SF3A1: variants seen among roughly 807,000 people sequenced by gnomAD.
SF3A1 encodes splicing factor 3a subunit 1.
SF3A1 carries 13 observed loss-of-function variants against 89.9 expected under a neutral mutation model. The ratio of observed to expected loss-of-function variants is 0.14; its 90% CI spans 0.09 to 0.23. The LOEUF (loss-of-function observed/expected upper bound fraction) is 0.23. Among genes scored for constraint, SF3A1 ranks in the 10% least tolerant of loss-of-function variants. The pLI, the probability that SF3A1 is intolerant of heterozygous loss-of-function variation, is 1.00. For missense variants in SF3A1, 604 were observed against 1,022.1 expected, an observed-to-expected ratio of 0.59 and a Z score of 5.58; for synonymous variants, 405 against 374.4, an observed-to-expected ratio of 1.08 and a Z score of -0.94.
At chr22:30,340,042 C>A (rs918234132) in intron 9 of SF3A1, among the ~76,000 whole-genome samples, 154 bp downstream of exon 9, 2 of 152,218 alleles carry the variant, frequency 1.3e-5, no homozygotes, top group Non-Finnish European at 2.9e-5. Flanking sequence ...ATGGGGAGTT[C>A]TTCTGGAAAG....
intron 6 of SF3A1, 99 bp downstream of exon 6, chr22:30,342,099 CCT>C: frequency 1.4e-6 from 2 of 1,406,406 alleles, no homozygotes; most frequent in Non-Finnish European, 2.0e-6. Context: ...CTGATAAAGC[CCT>C]CTGAGAGATT....
In SF3A1 at chr22:30,337,775, G is replaced by A. The variant is rs146484985; in HGVS notation, c.1866C>T (p.His622=). The A allele has an allele frequency of 1.3e-4, 202 of 1,594,586 alleles. No homozygotes were observed. The African/African-American group carries it at 1.9e-3, about 15-fold the overall frequency. Residue 622 remains histidine (H), a synonymous_variant, in exon 12 of 16, where the codon CAC becomes CAT. Coordinates refer to ENST00000215793, the MANE Select transcript of SF3A1 (RefSeq NM_005877.6). ...SVIAPMPPII[H]APRINVVPMP... is the part of the protein sequence containing the mutation. ...TGGGCACCACGTTGATTCTGGGCGC[G>A]TGGATGATGGGCGGCATGGGGGCGA...
chr22:30,334,739 TG>T, intron 15 of SF3A1, 44 bp from the exon 16 acceptor site: 2 of 1,374,000 alleles, frequency 1.5e-6, no homozygotes, highest in African/African-American at 2.9e-5. Flanking sequence ...AACCCAGCCT[TG>T]GGGATACCGC....
chr22:30,349,330 G>T (rs1349968861), intron 2 of SF3A1, among the ~76,000 whole-genome samples: 1 of 152,178 alleles, frequency 6.6e-6, no homozygotes, highest in Non-Finnish European at 1.5e-5. Context: ...ACCCAGGTGG[G>T]AGTGCAGTGG....
At chr22:30,345,680 A>AG (rs1181043620) in intron 3 of SF3A1, among the ~76,000 whole-genome samples, 1 of 152,248 alleles carries the variant, frequency 6.6e-6, no homozygotes, top group Non-Finnish European at 1.5e-5. Flanking sequence ...TTGCAACGCA[A>AG]GGTCTTAGAA....
intron 5 of SF3A1, 138 bp downstream of exon 5, chr22:30,342,667 C>A: frequency 2.9e-6 from 2 of 679,612 alleles, no homozygotes; most frequent in Non-Finnish European, 2.5e-6. Flanking sequence ...GTTTCTTTGG[C>A]CTTTGTAGCC....
At chr22:30,347,598 G>A (rs967787460) in intron 2 of SF3A1, among the ~76,000 whole-genome samples, 2 of 152,138 alleles carry the variant, frequency 1.3e-5, no homozygotes, top group African/African-American at 4.8e-5. Context: ...AGGGAACCCT[G>A]ATTTTTAAAA....
chr22:30,342,839 T>G lies in SF3A1; in HGVS notation c.692A>C (p.Lys231Thr). The G allele has an allele frequency of 6.2e-7, 1 of 1,613,246 alleles. No homozygotes were observed. The highest frequency in any genetic ancestry group is 8.5e-7 in the Non-Finnish European group (1 of 1,179,528). ...PPKGLFSKLKKEAENPREVLD... is the reference protein window; with the variant it reads ...PPKGLFSKLKTEAENPREVLD... ...AACTTCTCGGGGGTTTTCAGCCTCT[T>G]TCTTGAGCTTTGAAAATAAACCTTT... The change falls in exon 5 of 16, where the codon AAA (lysine) becomes ACA (threonine). Residue 231 changes from lysine (K) to threonine (T), a missense_variant. By Grantham distance (78) the Lys-to-Thr change is moderately conservative. Transcript: ENST00000215793.
At chr22:30,349,163 T>C (rs1736748477) in intron 2 of SF3A1, among the ~76,000 whole-genome samples, 3 of 152,262 alleles carry the variant, frequency 2.0e-5, no homozygotes, top group Admixed American at 2.0e-4. Flanking sequence ...GCATTTCTAC[T>C]GCATGCTCCA....
chr22:30,340,406 A>G (rs1299004006), intron 8 of SF3A1, 25 bp from the exon 9 acceptor site: 1 of 1,609,650 alleles, frequency 6.2e-7, no homozygotes, highest in Admixed American at 1.7e-5. Context: ...ATGTTTCAGT[A>G]AGAACACTGG....
chr22:30,342,750 CAT>C, intron 5 of SF3A1, 53 bp downstream of exon 5: 1 of 1,159,146 alleles, frequency 8.6e-7, no homozygotes, highest in Non-Finnish European at 1.3e-6. Context: ...TGTTTTCAGA[CAT>C]AAAACAGAAC....
At chr22:30,354,116 C>G (rs1366042111) in intron 1 of SF3A1, among the ~76,000 whole-genome samples, 1 of 152,112 alleles carries the variant, frequency 6.6e-6, no homozygotes, top group Non-Finnish European at 1.5e-5. Context: ...CCATAAGTAC[C>G]AATATTTTTT....
chr22:30,348,894 A>T (rs764373992), intron 2 of SF3A1, among the ~76,000 whole-genome samples: 1 of 152,308 alleles, frequency 6.6e-6, no homozygotes, highest in South Asian at 2.1e-4. Context: ...TCTGGGAACA[A>T]TCTGAAAAAT....
chr22:30,343,267 A>G (rs758027892), intron 4 of SF3A1, among the ~76,000 whole-genome samples: 8 of 152,146 alleles, frequency 5.3e-5, no homozygotes, highest in Admixed American at 3.9e-4. Context: ...TCAGAACCGC[A>G]GCGTACTTGC....
chr22:30,354,667 T>C (rs1465238910), intron 1 of SF3A1, among the ~76,000 whole-genome samples: 1 of 152,216 alleles, frequency 6.6e-6, no homozygotes, highest in East Asian at 1.9e-4. Flanking sequence ...CTGGGCACTT[T>C]CATCTCTAAC....
intron 4 of SF3A1, 44 bp from the exon 5 acceptor site, chr22:30,342,923 G>A (rs376050310): frequency 5.0e-5 from 65 of 1,306,876 alleles, no homozygotes; most frequent in East Asian, 4.8e-4. Context: ...GCTTTACAAC[G>A]CAGTACAAAG....
chr22:30,342,495 G>T (rs1931291072), intron 5 of SF3A1, 145 bp from the exon 6 acceptor site: 2 of 901,390 alleles, frequency 2.2e-6, no homozygotes, highest in Non-Finnish European at 3.3e-6. Flanking sequence ...TTTGCACCTG[G>T]TTCCACCCAG....
At chr22:30,339,275 AG>A in intron 9 of SF3A1, 24 bp from the exon 10 acceptor site, 1 of 1,612,784 alleles carries the variant, frequency 6.2e-7, no homozygotes, top group Non-Finnish European at 8.5e-7. Context: ...AAACAGAGGC[AG>A]AGGATAGAAA....
At chr22:30,356,186 T>G (rs45595946) in intron 1 of SF3A1, among the ~76,000 whole-genome samples, 10,103 of 152,302 alleles carry the variant, frequency 0.066, 415 homozygotes, top group Non-Finnish European at 0.089. Flanking sequence ...TATGTCTGTC[T>G]TCTCGTTAGC....
Sources: allele counts gnomAD v4.1 joint callset (sites outside exome capture counted in the v4.1 genomes callset), GRCh38; gene constraint gnomAD v4.1.1; transcripts MANE v1.5; gene names NCBI Gene and HGNC (gene_info 2026-07-23, HGNC 2026-07-21).